C9orf153: variants seen among roughly 807,000 people sequenced by gnomAD.
The protein encoded by C9orf153 is chromosome 9 open reading frame 153.
Under a neutral mutation model 9.0 loss-of-function variants are expected in C9orf153, and 10 were observed. That is an observed-to-expected ratio of 1.11 (90% CI 0.69 to 1.89). The LOEUF (loss-of-function observed/expected upper bound fraction) is 1.89, where lower values mean the gene tolerates loss of function less well. Among genes scored for constraint, C9orf153 ranks in the 40% most tolerant of loss-of-function variants. C9orf153 has a pLI of 0.00. For missense variants in C9orf153, 108 were observed against 111.0 expected, an observed-to-expected ratio of 0.97 and a Z score of 0.12; for synonymous variants, 35 against 37.3, an observed-to-expected ratio of 0.94 and a Z score of 0.23.
At chr9:86,222,314 C>T (rs994784292) in intron 3 of C9orf153, among the ~76,000 whole-genome samples, 1 of 152,028 alleles carries the variant, frequency 6.6e-6, no homozygotes, top group Admixed American at 6.6e-5. Flanking sequence ...GGCAGGTGGA[C>T]GGAGTATTTC....
intron 1 of C9orf153, among the ~76,000 whole-genome samples, chr9:86,242,958 C>T (rs573419241): frequency 4.2e-4 from 64 of 152,224 alleles, no homozygotes; most frequent in African/African-American, 1.4e-3. Flanking sequence ...GGATTACAGG[C>T]GTGAACCACC....
intron 3 of C9orf153, among the ~76,000 whole-genome samples, chr9:86,222,145 C>T (rs1417169461): frequency 1.3e-5 from 2 of 152,084 alleles, no homozygotes; most frequent in Non-Finnish European, 1.5e-5. Flanking sequence ...GCCTCAGACT[C>T]CCAAAATACT....
intron 1 of C9orf153, among the ~76,000 whole-genome samples, chr9:86,242,394 G>A (rs1401933054): frequency 3.3e-5 from 5 of 151,858 alleles, no homozygotes; most frequent in Admixed American, 3.3e-4. Context: ...CTTTCTTTGT[G>A]CAGCAGGCTG....
At chr9:86,228,449 A>G (rs1220806076) in intron 2 of C9orf153, among the ~76,000 whole-genome samples, 1 of 152,184 alleles carries the variant, frequency 6.6e-6, no homozygotes, top group African/African-American at 2.4e-5. Context: ...CAGATCACTT[A>G]GATATCAGAG....
At chr9:86,258,014 G>T (rs1008980745) in intron 1 of C9orf153, among the ~76,000 whole-genome samples, 3 of 152,152 alleles carry the variant, frequency 2.0e-5, no homozygotes, top group Non-Finnish European at 2.9e-5. Context: ...TTTTATAGCT[G>T]TGCACATTCA....
At chr9:86,244,663 T>C (rs368290187) in intron 1 of C9orf153, among the ~76,000 whole-genome samples, 2 of 152,340 alleles carry the variant, frequency 1.3e-5, no homozygotes, top group Admixed American at 6.5e-5. Context: ...AATGAATACT[T>C]ATGAAGATCT....
chr9:86,231,595 A>C (rs1446034161), intron 1 of C9orf153, among the ~76,000 whole-genome samples: 2 of 151,184 alleles, frequency 1.3e-5, no homozygotes, highest in Non-Finnish European at 2.9e-5. Flanking sequence ...ATACACAAAC[A>C]TGGATATATA....
chr9:86,231,874 C>T (rs1824479067), intron 1 of C9orf153, among the ~76,000 whole-genome samples: 1 of 152,174 alleles, frequency 6.6e-6, no homozygotes, highest in African/African-American at 2.4e-5. Context: ...TCAATGTCTT[C>T]CAGTCAATCA....
chr9:86,253,532 C>T (rs956577197), intron 1 of C9orf153, among the ~76,000 whole-genome samples: 1 of 152,104 alleles, frequency 6.6e-6, no homozygotes, highest in Non-Finnish European at 1.5e-5. Flanking sequence ...TGAAAAAGCC[C>T]CAGAAAAGCC....
At chr9:86,227,464 T>C in intron 3 of C9orf153, 3 of 1,425,588 alleles carry the variant, frequency 2.1e-6, no homozygotes, top group Non-Finnish European at 2.8e-6. Context: ...TAGGTCAGTA[T>C]TGGACCATTT....
At position 86,258,657 on chromosome 9, in the gene C9orf153, G is replaced by A. The variant is rs544535352; in HGVS notation, c.-27+893C>T. The A allele has an allele frequency of 1.6e-3, 244 of 152,198 alleles. 1 individual carries two copies. The highest frequency in any genetic ancestry group is 6.8e-3 in the Middle Eastern group (2 of 294). The allele number at this position is 152,198 out of a possible 1,614,324, so 9.4% of individuals were successfully genotyped here. A position where few individuals can be genotyped will look rare whatever the true frequency, so the allele number is the denominator to read the frequency against. On this transcript the variant is annotated intron_variant, in intron 1 of 3. Coordinates refer to ENST00000339137, the MANE Select transcript of C9orf153 (RefSeq NM_001276366.4). Reference sequence around the variant, plus strand: ...ATCACCCTCACATCCGGAAATAATTGCTTTTAAAACGCAATATTTGAAAAC... The same window carrying A: ...ATCACCCTCACATCCGGAAATAATTACTTTTAAAACGCAATATTTGAAAAC...
rs965471333 is a variant in C9orf153 at position 86,234,176 on chromosome 9, G to A, written c.-26-4547C>T. Among the ~76,000 whole-genome samples, 5 of 152,088 alleles carry A rather than the reference G, an allele frequency of 3.3e-5. No individual in the cohort carries two copies. The South Asian group carries it at 8.3e-4, about 25-fold the overall frequency. ...TAGCCAGCTGGGCTCATTTTTTTCT[G>A]AAAAAATCTTCTGCGCTTCTGTGCA... On this transcript the variant is annotated intron_variant, in intron 1 of 3. Coordinates refer to ENST00000339137, the MANE Select transcript of C9orf153 (RefSeq NM_001276366.4).
chr9:86,236,626 G>A (rs1254560736), intron 1 of C9orf153, among the ~76,000 whole-genome samples: 3 of 151,588 alleles, frequency 2.0e-5, no homozygotes, highest in African/African-American at 7.3e-5. Context: ...TGTGTTGCCA[G>A]TAGACCTGTC....
At chr9:86,241,594 T>A (rs1376306406) in intron 1 of C9orf153, among the ~76,000 whole-genome samples, 3 of 152,150 alleles carry the variant, frequency 2.0e-5, no homozygotes, top group Non-Finnish European at 2.9e-5. Context: ...ATGGCTTACA[T>A]AGACAAGGTT....
In C9orf153 at chr9:86,226,176, A is replaced by G. The variant is rs149291779; in HGVS notation, c.242+1679T>C. Among the ~76,000 whole-genome samples the G allele has an allele frequency of 4.2e-3, 632 of 152,286 alleles. 9 individuals are homozygous for G. The highest frequency in any genetic ancestry group is 0.012 in the African/African-American group (514 of 41,560). ...TGCTACTTAGGCAACGTAGGACTCT[A>G]TGAAAGGATTTCGAAGCCTGCATTT... On this transcript the variant is annotated intron_variant, in intron 3 of 3. Coordinates refer to ENST00000339137, the MANE Select transcript of C9orf153 (RefSeq NM_001276366.4).
At chr9:86,225,448 CTCTT>C (rs1179183716) in intron 3 of C9orf153, among the ~76,000 whole-genome samples, 2 of 133,434 alleles carry the variant, frequency 1.5e-5, no homozygotes, top group African/African-American at 2.9e-5. Flanking sequence ...CTTCCTTCCT[CTCTT>C]TCTCTCTTTC....
chr9:86,223,107 A>G (rs1042294497), intron 3 of C9orf153, among the ~76,000 whole-genome samples: 2 of 152,172 alleles, frequency 1.3e-5, no homozygotes, highest in Non-Finnish European at 2.9e-5. Context: ...AGGGAGTTTG[A>G]CAAGATCTTT....
chr9:86,227,602 G>A (rs1824365416), intron 3 of C9orf153: 1 of 985,276 alleles, frequency 1.0e-6, no homozygotes, highest in South Asian at 4.7e-5. Flanking sequence ...TTTCTGGGGT[G>A]GCACTGGAAA....
chr9:86,249,780 C>T (rs1824954714), intron 1 of C9orf153, among the ~76,000 whole-genome samples: 1 of 152,226 alleles, frequency 6.6e-6, no homozygotes, highest in African/African-American at 2.4e-5. Context: ...CTCCTGACTT[C>T]AAGTGATCTG....
Sources: allele counts gnomAD v4.1 joint callset (sites outside exome capture counted in the v4.1 genomes callset), GRCh38; gene constraint gnomAD v4.1.1; transcripts MANE v1.5; gene names NCBI Gene and HGNC (gene_info 2026-07-23, HGNC 2026-07-21).